Variants in PBRM1 observed in about 807,000 individuals in gnomAD.
PBRM1 encodes the protein protein polybromo-1.
PBRM1 carries 27 observed loss-of-function variants against 194.5 expected under a neutral mutation model. That is an observed-to-expected ratio of 0.14 (90% CI 0.10 to 0.19). The LOEUF is 0.19. Ranked by LOEUF, PBRM1 falls within the 10% of genes least tolerant of loss-of-function variation. PBRM1 has a pLI of 1.00. For synonymous variants in PBRM1, 655 were observed against 693.2 expected, an observed-to-expected ratio of 0.94 and a Z score of 0.87; for missense variants, 1,466 against 2,077.2, an observed-to-expected ratio of 0.71 and a Z score of 5.72.
At position 52,570,126 on chromosome 3, in the gene PBRM1, C is replaced by T. The variant is rs1310292515; in HGVS notation, c.3692-5893G>A. On this transcript the variant is annotated intron_variant, in intron 22 of 29. Coordinates refer to ENST00000296302, the Ensembl canonical transcript of PBRM1. ...AGCTGGGATTAAAGGCACCCACCAC[C>T]ACGCCCACATCAGCTAATTTTTGTA... Among the ~76,000 whole-genome samples, 2 of 152,304 alleles carry T rather than the reference C, an allele frequency of 1.3e-5. 1 individual carries two copies. The highest frequency in any genetic ancestry group is 6.8e-3 in the Middle Eastern group (2 of 294).
chr3:52,553,663 CTTTT>C (rs71084188), intron 27 of PBRM1, among the ~76,000 whole-genome samples: 3 of 119,412 alleles, frequency 2.5e-5, no homozygotes. Context: ...CTAATTTTTC[CTTTT>C]TTTTTTTTTT....
chr3:52,629,845 A>G (rs1413308945), intron 11 of PBRM1, among the ~76,000 whole-genome samples: 2 of 152,274 alleles, frequency 1.3e-5, no homozygotes, highest in African/African-American at 4.8e-5. Flanking sequence ...AATAATATGT[A>G]TAAACAGCTT....
In PBRM1 at chr3:52,642,049, C is replaced by T. The variant is rs11719685; in HGVS notation, c.996-4G>A. The T allele has an allele frequency of 0.31, 355,644 of 1,161,392 alleles. 24,651 individuals carry two copies. The highest frequency in any genetic ancestry group is 0.42 in the Admixed American group (20,187 of 48,292). The allele number at this position is 1,161,392 out of a possible 1,614,324, so 71.9% of individuals were successfully genotyped here. On this transcript the variant is annotated splice_polypyrimidine_tract_variant and splice_region_variant and intron_variant, in intron 9 of 29. Transcript: ENST00000296302. ...TCCTTGTACTGCTCTTTTATTACTA[C>T]AAAAAAAAAAAAAGCAATTAGACAG...
At chr3:52,596,459 A>C (rs1576408864) in intron 17 of PBRM1, among the ~76,000 whole-genome samples, 1 of 116,094 alleles carries the variant, frequency 8.6e-6, no homozygotes, top group Admixed American at 7.9e-5. Context: ...AAAAAAAAAA[A>C]AAAAAAAAAA....
At chr3:52,610,978 C>G (rs1033494792) in intron 15 of PBRM1, among the ~76,000 whole-genome samples, 11 of 152,048 alleles carry the variant, frequency 7.2e-5, no homozygotes, top group African/African-American at 2.4e-4. Context: ...CGAGCCTGAA[C>G]CAGCCTGAGT....
Position 52,554,644 on chromosome 3 carries a change from C to T in PBRM1, c.4609+80G>A. 4 of 1,281,020 alleles carry T rather than the reference C, an allele frequency of 3.1e-6. No homozygotes were observed. In the South Asian group the frequency reaches 6.6e-5, roughly 21 times the overall value. The allele number at this position is 1,281,020 out of a possible 1,614,324, so 79.4% of individuals were successfully genotyped here. A position where few individuals can be genotyped will look rare whatever the true frequency, so the allele number is the denominator to read the frequency against. ...GCCTGGCCACAATGGGCCACGGGTG[C>T]CTCCTGGAACAACTGGTTGAAAGCG... On this transcript the variant is annotated intron_variant, in intron 27 of 29. Coordinates refer to ENST00000296302, the Ensembl canonical transcript of PBRM1.
chr3:52,599,080 C>T (rs925965947), intron 17 of PBRM1, among the ~76,000 whole-genome samples: 22 of 150,474 alleles, frequency 1.5e-4, no homozygotes, highest in Middle Eastern at 3.5e-3. Flanking sequence ...GTCTCAACTA[C>T]TCAGGAGACT....
At chr3:52,648,619 A>T (rs2096396465) in intron 6 of PBRM1, among the ~76,000 whole-genome samples, 177 bp from the exon 8 acceptor site, 1 of 152,236 alleles carries the variant, frequency 6.6e-6, no homozygotes, top group Non-Finnish European at 1.5e-5. Context: ...TACTGTACCC[A>T]TTTATAAGTA....
chr3:52,682,374 T>TAAAAAAAAAAAAAAAAAAA (rs34758458), upstream of PBRM1: 2 of 132,534 alleles, frequency 1.5e-5, no homozygotes, highest in Non-Finnish European at 1.6e-5. Context: ...TTGACAAGGT[T>TAAAAAAAAAAAAAAAAAAA]AAAAAAAAAA....
intron 17 of PBRM1, among the ~76,000 whole-genome samples, chr3:52,598,672 C>T (rs1160882309): frequency 6.6e-6 from 1 of 152,144 alleles, no homozygotes; most frequent in Admixed American, 6.5e-5. Context: ...TCCCTTGAGC[C>T]CAGGAGTTTG....
intron 15 of PBRM1, among the ~76,000 whole-genome samples, chr3:52,613,832 TA>T (rs1440767151): frequency 6.6e-6 from 1 of 151,820 alleles, no homozygotes; most frequent in East Asian, 1.9e-4. Context: ...TCTATTAATT[TA>T]AAACAAACAA....
chr3:52,596,436 CAAAAAAAAAAAAAAAAAAAAAAAAAAAAA>C (rs763007814), intron 17 of PBRM1, among the ~76,000 whole-genome samples: 5 of 50,342 alleles, frequency 9.9e-5, no homozygotes, highest in South Asian at 1.1e-3. Flanking sequence ...GACTCCGTCT[CAAAAAAAAAAAAAAAAAAAAAAAAAAAAA>C]AAAAAAAAAA....
At chr3:52,632,749 T>C (rs187881137) in intron 11 of PBRM1, among the ~76,000 whole-genome samples, 1 of 150,472 alleles carries the variant, frequency 6.6e-6, no homozygotes, top group East Asian at 2.0e-4. Context: ...AGTGCAGTGG[T>C]GCGACCTAGA....
chr3:52,620,625 T>C (rs924506094), intron 13 of PBRM1, among the ~76,000 whole-genome samples: 1 of 152,226 alleles, frequency 6.6e-6, no homozygotes, highest in Non-Finnish European at 1.5e-5. Flanking sequence ...AGTAAAAGAA[T>C]GGCAAGCGGT....
At chr3:52,562,062 C>T (rs2083677021) in intron 24 of PBRM1, 94 bp from the exon 27 acceptor site, 7 of 907,746 alleles carry the variant, frequency 7.7e-6, no homozygotes, top group Non-Finnish European at 1.1e-5. Flanking sequence ...TGGCTCACAC[C>T]TGTAATCCCA....
At chr3:52,562,157 T>TA (rs11295229) in intron 24 of PBRM1, among the ~76,000 whole-genome samples, 189 bp from the exon 27 acceptor site, 125 of 148,320 alleles carry the variant, frequency 8.4e-4, no homozygotes, top group East Asian at 1.8e-3. Context: ...CCGTTTCTAC[T>TA]AAAAAAAAAA....
At chr3:52,650,690 CTA>C (rs2096466360) in intron 6 of PBRM1, among the ~76,000 whole-genome samples, 1 of 152,160 alleles carries the variant, frequency 6.6e-6, no homozygotes, top group Non-Finnish European at 1.5e-5. Flanking sequence ...GATGCTTTAT[CTA>C]TATTATCACC....
exon 24 of PBRM1, chr3:52,563,400 A>C (rs933552056): frequency 1.2e-6 from 2 of 1,613,808 alleles, no homozygotes; most frequent in Non-Finnish European, 1.7e-6. Context: ...CAATATCATC[A>C]TCTCCACCTT....
chr3:52,658,241 T>A (rs1372263236), exon 5 of PBRM1: 2 of 1,612,704 alleles, frequency 1.2e-6, no homozygotes, highest in Non-Finnish European at 8.5e-7. Flanking sequence ...TAATGAGACG[T>A]CCTGATGGAT....
Sources: allele counts gnomAD v4.1 joint callset (sites outside exome capture counted in the v4.1 genomes callset), GRCh38; gene constraint gnomAD v4.1.1; transcripts MANE v1.5; gene names NCBI Gene and HGNC (gene_info 2026-07-23, HGNC 2026-07-21).